The following COX6C variants were observed in gnomAD, a reference collection of about 807,000 sequenced individuals.
The protein encoded by COX6C is cytochrome c oxidase polypeptide VIc.
Under a neutral mutation model 6.9 loss-of-function variants are expected in COX6C, and 3 were observed. The observed-to-expected ratio is 0.43, with a 90% CI of 0.20 to 1.12. The LOEUF is 1.12. Ranked by LOEUF, COX6C falls within the 50% of genes most tolerant of loss-of-function variation. The probability of loss-of-function intolerance (pLI) is 0.27; values close to 1 mark genes in which losing one functional copy is unlikely to be tolerated. For synonymous variants in COX6C, 32 were observed against 32.0 expected (o/e 1.00, Z 0.00); for missense variants, 101 against 97.3 (o/e 1.04, Z -0.16).
chr8:99,877,889 A>G lies in COX6C; in HGVS notation c.*392T>C, dbSNP rs1817773257. The G allele has an allele frequency of 6.6e-6, 1 of 152,230 alleles. No homozygotes were observed. Among genetic ancestry groups the G allele is most frequent in the African/African-American group, 2.4e-5 (1 of 41,470 alleles). The allele number at this position is 152,230 out of a possible 1,614,324, so 9.4% of individuals were successfully genotyped here. ...ATGAAGGCCAAGGATAGATTTTATT[A>G]GGATTCTATCTCTTCTTAGAGCCCA... On this transcript the variant is annotated 3_prime_UTR_variant, in exon 4 of 4. Coordinates refer to ENST00000520468, the MANE Select transcript of COX6C (RefSeq NM_004374.4).
chr8:99,882,740 C>T (rs1751975495), intron 3 of COX6C, among the ~76,000 whole-genome samples: 1 of 140,990 alleles, frequency 7.1e-6, no homozygotes, highest in Non-Finnish European at 1.5e-5. Context: ...ATGCTATGAA[C>T]AATTATATGT....
intron 3 of COX6C, among the ~76,000 whole-genome samples, chr8:99,883,024 G>A (rs905455804): frequency 6.6e-6 from 1 of 152,092 alleles, no homozygotes; most frequent in African/African-American, 2.4e-5. Context: ...CTGGGCTCAA[G>A]CAATTCACCT....
At chr8:99,889,249 C>T (rs1441499319) in intron 2 of COX6C, among the ~76,000 whole-genome samples, 1 of 152,140 alleles carries the variant, frequency 6.6e-6, no homozygotes, top group Admixed American at 6.5e-5. Flanking sequence ...CCACTTAGTG[C>T]TCCCACTCAG....
chr8:99,883,328 C>T (rs1347259726), intron 3 of COX6C, among the ~76,000 whole-genome samples: 2 of 152,026 alleles, frequency 1.3e-5, no homozygotes, highest in African/African-American at 4.8e-5. Flanking sequence ...AACCTCCTGC[C>T]TCAGCCTCCC....
chr8:99,888,957 T>C (rs112865530), intron 2 of COX6C, among the ~76,000 whole-genome samples: 367 of 152,372 alleles, frequency 2.4e-3, no homozygotes, highest in African/African-American at 8.3e-3. Context: ...GGGGGCCTGT[T>C]AGCAGGACCC....
In COX6C at chr8:99,893,637, A is replaced by C. The variant is rs1588832012; in HGVS notation, c.-32+2T>G. 1 of 152,256 alleles carries C rather than the reference A, an allele frequency of 6.6e-6. No individual in the cohort carries two copies. The highest frequency in any genetic ancestry group is 2.1e-4 in the South Asian group (1 of 4,830). The allele number at this position is 152,256 out of a possible 1,614,324, so 9.4% of individuals were successfully genotyped here. A position where few individuals can be genotyped will look rare whatever the true frequency, so the allele number is the denominator to read the frequency against. Reference sequence around the variant, plus strand: ...TAGGGATGCAAAAGGGACCGGACTCACCTCAACACCAACGTCCTTCCTGAC... The same window carrying C: ...TAGGGATGCAAAAGGGACCGGACTCCCCTCAACACCAACGTCCTTCCTGAC... On this transcript the variant is annotated splice_donor_variant, in intron 1 of 3. Transcript: ENST00000520468. LOFTEE classifies it low-confidence loss of function (5UTR_SPLICE).
chr8:99,891,810 A>T (rs1818056432), intron 2 of COX6C, 98 bp downstream of exon 2: 4 of 1,016,632 alleles, frequency 3.9e-6, no homozygotes, highest in Non-Finnish European at 6.2e-6. Context: ...AGAAAGGGTT[A>T]GAAAGAAACA....
intron 3 of COX6C, among the ~76,000 whole-genome samples, chr8:99,881,642 A>C (rs75416435): frequency 0.018 from 2,719 of 152,296 alleles, 94 homozygotes; most frequent in African/African-American, 0.062. Flanking sequence ...ACTGAATATA[A>C]AAGGAAAGAC....
rs760924540 is a variant in COX6C, at chr8:99,887,626, G to A, written c.115-8C>T. ...TTGATCAGCCACACGAAACTAAAAA[G>A]CAACCATCCATTAGAGTTTATTTTT... On this transcript the variant is annotated splice_polypyrimidine_tract_variant and splice_region_variant and intron_variant, in intron 2 of 3. Transcript: ENST00000520468. The A allele has an allele frequency of 1.3e-6, 2 of 1,565,712 alleles. No individual in the cohort carries two copies. The highest frequency in any genetic ancestry group is 3.8e-5 in the Admixed American group (2 of 52,706).
chr8:99,889,384 ATT>A (rs11287901), intron 2 of COX6C, among the ~76,000 whole-genome samples: 230 of 126,290 alleles, frequency 1.8e-3, no homozygotes, highest in African/African-American at 4.7e-3. Flanking sequence ...CCACCTCCCA[ATT>A]TTTTTTTTTT....
chr8:99,893,259 AACC>A (rs1157858341), intron 1 of COX6C: 2 of 152,350 alleles, frequency 1.3e-5, no homozygotes, highest in African/African-American at 4.8e-5. Flanking sequence ...CTGCATTAGA[AACC>A]ACCACCCCTT....
At chr8:99,885,220 G>C (rs1435093570) in intron 3 of COX6C, among the ~76,000 whole-genome samples, 1 of 152,164 alleles carries the variant, frequency 6.6e-6, no homozygotes, top group Non-Finnish European at 1.5e-5. Context: ...GCAAGATATT[G>C]AGAGATCACA....
intron 1 of COX6C, 50 bp downstream of exon 1, chr8:99,893,589 T>A (rs760468992): frequency 6.6e-6 from 1 of 152,296 alleles, no homozygotes; most frequent in Non-Finnish European, 1.5e-5. Context: ...AGGGTGCCGT[T>A]GTGACAACCC....
intron 3 of COX6C, 191 bp from the exon 4 acceptor site, chr8:99,878,456 C>A (rs910877889): frequency 6.6e-6 from 1 of 152,208 alleles, no homozygotes; most frequent in Non-Finnish European, 1.5e-5. Context: ...CCTCTAAGCT[C>A]CCTGACCACT....
intron 3 of COX6C, among the ~76,000 whole-genome samples, chr8:99,883,878 T>C (rs1413618252): frequency 7.2e-5 from 11 of 152,172 alleles, no homozygotes; most frequent in African/African-American, 2.4e-4. Context: ...AATCAATAGA[T>C]GTGACATACC....
intron 2 of COX6C, among the ~76,000 whole-genome samples, chr8:99,891,337 G>A (rs1818028755): frequency 6.6e-6 from 1 of 152,114 alleles, no homozygotes; most frequent in African/African-American, 2.4e-5. Context: ...AATCCCTTGA[G>A]CCCAGGAGTT....
In COX6C at chr8:99,883,453, G is replaced by GTA. The variant is rs1554593062; in HGVS notation, c.*15+4035_*15+4036dup. ...TATGTATGTGTGTGTGTGTGTGTGT[G>GTA]TATATATATATATATATATTTTTTT... On this transcript the variant is annotated intron_variant, in intron 3 of 3. Coordinates refer to ENST00000520468, the MANE Select transcript of COX6C (RefSeq NM_004374.4). Among the ~76,000 whole-genome samples the GTA allele has an allele frequency of 1.7e-3, 232 of 135,190 alleles. 3 individuals are homozygous for GTA. In the South Asian group the frequency reaches 0.033, roughly 19 times the overall value. The allele number at this position is 135,190 out of a possible 152,430, so 88.7% of individuals were successfully genotyped here.
chr8:99,884,656 C>G (rs983594810), intron 3 of COX6C, among the ~76,000 whole-genome samples: 3 of 152,054 alleles, frequency 2.0e-5, no homozygotes, highest in African/African-American at 7.2e-5. Flanking sequence ...TCCTTTTATC[C>G]AAGGTGATAT....
intron 3 of COX6C, among the ~76,000 whole-genome samples, chr8:99,881,146 G>C (rs1817856550): frequency 1.3e-5 from 2 of 152,172 alleles, no homozygotes; most frequent in African/African-American, 4.8e-5. Context: ...AATCACTTGA[G>C]GTCAGGAGTT....
Sources: gnomAD v4.1 joint callset for allele counts (sites outside exome capture counted in the v4.1 genomes callset) on GRCh38, gnomAD v4.1.1 for gene constraint, MANE v1.5 for transcripts, NCBI Gene and HGNC (gene_info 2026-07-23, HGNC 2026-07-21) for gene names.